PLEKHA5: variants seen among roughly 807,000 people sequenced by gnomAD.
PLEKHA5 encodes the protein pleckstrin homology domain-containing family A member 5.
A neutral mutation model predicts 181.9 loss-of-function variants in PLEKHA5; 55 were observed. The observed-to-expected ratio is 0.30, with a 90% CI of 0.24 to 0.38. The LOEUF is 0.38. Ranked by LOEUF, PLEKHA5 falls within the 10% of genes least tolerant of loss-of-function variation. The pLI is 1.00. For missense variants in PLEKHA5, 1,432 were observed against 1,549.5 expected, an observed-to-expected ratio of 0.92 and a Z score of 1.27; for synonymous variants, 535 against 529.4, an observed-to-expected ratio of 1.01 and a Z score of -0.15.
At chr12:19,196,812 CTTTT>C (rs3056387) in intron 3 of PLEKHA5, among the ~76,000 whole-genome samples, 6 of 122,582 alleles carry the variant, frequency 4.9e-5, no homozygotes, top group Non-Finnish European at 5.1e-5. Flanking sequence ...TTTTTTTTTT[CTTTT>C]TTTTTTTTTT....
At chr12:19,197,331 A>G (rs910578284) in intron 3 of PLEKHA5, among the ~76,000 whole-genome samples, 11 of 152,100 alleles carry the variant, frequency 7.2e-5, no homozygotes, top group African/African-American at 2.7e-4. Flanking sequence ...TATGTCACCA[A>G]TACTTATTTT....
At chr12:19,240,101 T>G (rs2062193160) in intron 3 of PLEKHA5, among the ~76,000 whole-genome samples, 1 of 152,218 alleles carries the variant, frequency 6.6e-6, no homozygotes, top group Admixed American at 6.5e-5. Flanking sequence ...AAGAAATTGT[T>G]TAAAGCTCAT....
chr12:19,359,660 T>A, intron 28 of PLEKHA5, 114 bp downstream of exon 28: 1 of 1,081,378 alleles, frequency 9.2e-7, no homozygotes, highest in Non-Finnish European at 1.3e-6. Flanking sequence ...TCCATAGAGC[T>A]AAATGAAAAA....
In PLEKHA5 at chr12:19,283,418, C is replaced by G. The variant is rs201747116; in HGVS notation, c.1452C>G (p.Ser484=). The G allele has an allele frequency of 5.6e-6, 9 of 1,614,046 alleles. No homozygotes were observed. The highest frequency in any genetic ancestry group is 6.8e-6 in the Non-Finnish European group (8 of 1,180,018). ...RPESICSVTP[S]THDKTLGPGA... ...AAAGTATCTGCAGTGTAACCCCTTC[C>G]ACTCATGACAAGACATTAGGACCCG... Residue 484 remains serine, a synonymous_variant, in exon 12 of 32, where the codon TCC becomes TCG. Transcript: ENST00000429027.
intron 3 of PLEKHA5, among the ~76,000 whole-genome samples, chr12:19,163,734 G>T (rs879520551): frequency 2.0e-5 from 3 of 151,924 alleles, no homozygotes; most frequent in Non-Finnish European, 4.4e-5. Flanking sequence ...TAACTCATTT[G>T]GGACCATTAC....
At chr12:19,321,027 C>A (rs936083873) in intron 18 of PLEKHA5, 5 of 154,000 alleles carry the variant, frequency 3.2e-5, no homozygotes, top group Non-Finnish European at 7.2e-5. Flanking sequence ...ATTAGCTGGG[C>A]ATGGTGGTAC....
intron 3 of PLEKHA5, among the ~76,000 whole-genome samples, chr12:19,162,977 ATTTAT>A (rs1224883270): frequency 1.3e-5 from 2 of 152,196 alleles, no homozygotes; most frequent in Non-Finnish European, 2.9e-5. Flanking sequence ...AAAACCTAAT[ATTTAT>A]TTAGTGCCTT....
intron 14 of PLEKHA5, 79 bp downstream of exon 14, chr12:19,290,875 A>C: frequency 7.6e-7 from 1 of 1,317,176 alleles, no homozygotes; most frequent in Non-Finnish European, 1.0e-6. Context: ...TATGATCAGC[A>C]TCATTAGTGT....
chr12:19,222,940 A>T (rs16915220), intron 3 of PLEKHA5, among the ~76,000 whole-genome samples: 83,727 of 151,430 alleles, frequency 0.55, 27,212 homozygotes, highest in Non-Finnish European at 0.74. Context: ...GATATTATTA[A>T]GTAAGCATTT....
intron 13 of PLEKHA5, among the ~76,000 whole-genome samples, chr12:19,289,443 C>G (rs1190143556): frequency 1.4e-5 from 2 of 148,062 alleles, no homozygotes; most frequent in African/African-American, 5.0e-5. Context: ...GTAGGCAAAA[C>G]AAACCAATCT....
chr12:19,255,804 A>G (rs2066710453), intron 5 of PLEKHA5, among the ~76,000 whole-genome samples: 1 of 151,326 alleles, frequency 6.6e-6, no homozygotes, highest in Non-Finnish European at 1.5e-5. Context: ...TGTTCCTCAT[A>G]CTTTACACCA....
intron 4 of PLEKHA5, among the ~76,000 whole-genome samples, chr12:19,254,590 G>A (rs147080343): frequency 2.8e-4 from 42 of 152,284 alleles, no homozygotes; most frequent in Middle Eastern, 6.8e-3. Flanking sequence ...GGAGGCCAAG[G>A]TGGGCGAATC....
chr12:19,325,932 G>A (rs942324516), intron 20 of PLEKHA5, among the ~76,000 whole-genome samples: 6 of 152,020 alleles, frequency 3.9e-5, no homozygotes, highest in Admixed American at 3.3e-4. Flanking sequence ...GCTTGAACCC[G>A]GGAGGCTGAG....
intron 3 of PLEKHA5, among the ~76,000 whole-genome samples, chr12:19,226,212 A>G (rs993718955): frequency 2.0e-5 from 3 of 152,120 alleles, no homozygotes; most frequent in Non-Finnish European, 4.4e-5. Flanking sequence ...TTTTGTGTCT[A>G]GCTTTTTTCA....
chr12:19,281,456 A>G (rs1278917554), intron 11 of PLEKHA5, among the ~76,000 whole-genome samples: 1 of 151,896 alleles, frequency 6.6e-6, no homozygotes, highest in Non-Finnish European at 1.5e-5. Flanking sequence ...TGGTGCCTGT[A>G]GTCCCAGCTA....
At chr12:19,306,738 G>A in intron 15 of PLEKHA5, 4 of 1,176,982 alleles carry the variant, frequency 3.4e-6, no homozygotes, top group South Asian at 2.5e-5. Context: ...ACCTCTTCCC[G>A]CCGGATAATT....
At chr12:19,137,291 C>T (rs1218715977) in intron 3 of PLEKHA5, among the ~76,000 whole-genome samples, 1 of 152,100 alleles carries the variant, frequency 6.6e-6, no homozygotes, top group Non-Finnish European at 1.5e-5. Context: ...CCCACCTCGG[C>T]GTCCCAAAGT....
intron 3 of PLEKHA5, among the ~76,000 whole-genome samples, chr12:19,192,839 A>G (rs773554061): frequency 6.6e-6 from 1 of 152,244 alleles, no homozygotes; most frequent in Non-Finnish European, 1.5e-5. Flanking sequence ...TGAGACTATC[A>G]TAGACATTCT....
intron 5 of PLEKHA5, among the ~76,000 whole-genome samples, chr12:19,256,478 G>A (rs1158517765): frequency 2.0e-5 from 3 of 152,164 alleles, no homozygotes; most frequent in Non-Finnish European, 4.4e-5. Context: ...GCTGGGTGCT[G>A]GAGCCCAAGA....
Sources: gnomAD v4.1 joint callset for allele counts (sites outside exome capture counted in the v4.1 genomes callset) on GRCh38, gnomAD v4.1.1 for gene constraint, MANE v1.5 for transcripts, NCBI Gene and HGNC (gene_info 2026-07-23, HGNC 2026-07-21) for gene names.